The following HYDIN variants were observed in gnomAD, a reference collection of about 807,000 sequenced individuals.
HYDIN encodes HYDIN axonemal central pair apparatus protein.
In HYDIN, 132 loss-of-function variants were observed where a neutral mutation model predicts 403.9. That is an observed-to-expected ratio of 0.33 (90% CI 0.28 to 0.38). HYDIN has a LOEUF of 0.38. Among genes scored for constraint, HYDIN ranks in the 10% least tolerant of loss-of-function variants. The pLI is 1.00. For synonymous variants in HYDIN, 1,202 were observed against 1,891.7 expected (o/e 0.64, Z 9.46); for missense variants, 2,827 against 5,009.5 (o/e 0.56, Z 13.15).
At chr16:70,864,151 T>C (rs1429415816) in intron 67 of HYDIN, among the ~76,000 whole-genome samples, 32 of 151,494 alleles carry the variant, frequency 2.1e-4, no homozygotes, top group Non-Finnish European at 3.1e-4. Flanking sequence ...GCCAACATAG[T>C]GAAACCCTGT....
intron 23 of HYDIN, among the ~76,000 whole-genome samples, chr16:71,015,958 T>C (rs1451021023): frequency 2.0e-5 from 3 of 151,956 alleles, no homozygotes; most frequent in Non-Finnish European, 4.4e-5. Context: ...TGTATGTCTA[T>C]ACATATACAT....
chr16:71,010,467 G>A (rs1354598021), intron 23 of HYDIN, among the ~76,000 whole-genome samples: 1 of 151,928 alleles, frequency 6.6e-6, no homozygotes. Flanking sequence ...GCTGCCTCTG[G>A]AGTGCTCAAA....
In HYDIN at chr16:71,054,033, G is replaced by A. The variant is rs1322139879; in HGVS notation, c.2529+6471C>T. On this transcript the variant is annotated intron_variant, in intron 18 of 85. Coordinates refer to ENST00000393567, the MANE Select transcript of HYDIN (RefSeq NM_001270974.2). ...CAGTTCTCTTAACCAAGAGAATCTCGGTTATCTGATCTGCTGAATGAGGAC... is the reference window on the plus strand; with the variant it reads ...CAGTTCTCTTAACCAAGAGAATCTCAGTTATCTGATCTGCTGAATGAGGAC... Among the ~76,000 whole-genome samples, 6 of 152,336 alleles carry A rather than the reference G, an allele frequency of 3.9e-5. No homozygotes were observed. The South Asian group carries it at 8.3e-4, about 21-fold the overall frequency.
At chr16:71,208,496 C>T (rs2088413936) in intron 1 of HYDIN, among the ~76,000 whole-genome samples, 1 of 151,978 alleles carries the variant, frequency 6.6e-6, no homozygotes, top group Non-Finnish European at 1.5e-5. Context: ...ACAATTAGAA[C>T]TAAAGAAGCA....
intron 1 of HYDIN, among the ~76,000 whole-genome samples, chr16:71,195,374 G>C (rs556118093): frequency 1.9e-4 from 29 of 152,230 alleles, no homozygotes; most frequent in Non-Finnish European, 4.0e-4. Context: ...TTTGGCTTCT[G>C]CTACAGTGAG....
At chr16:70,811,807 A>G (rs1477102268) in intron 84 of HYDIN, among the ~76,000 whole-genome samples, 1 of 150,472 alleles carries the variant, frequency 6.6e-6, no homozygotes, top group Non-Finnish European at 1.5e-5. Context: ...TGGTGAGCCG[A>G]GATCACGCCA....
chr16:71,205,940 C>A (rs913647556), intron 1 of HYDIN, among the ~76,000 whole-genome samples: 11 of 152,204 alleles, frequency 7.2e-5, no homozygotes, highest in African/African-American at 1.9e-4. Flanking sequence ...CCCTACTGAC[C>A]TCAACCACTG....
intron 29 of HYDIN, among the ~76,000 whole-genome samples, chr16:70,980,534 T>TATAA (rs147605006): frequency 1.4e-5 from 2 of 147,088 alleles, no homozygotes; most frequent in Admixed American, 6.8e-5. Context: ...CCTATATATA[T>TATAA]ATATAAATAT....
chr16:71,168,441 C>G (rs62055862), intron 5 of HYDIN, among the ~76,000 whole-genome samples: 25,148 of 147,876 alleles, frequency 0.17, 2,685 homozygotes, highest in Middle Eastern at 0.37. Context: ...GCCTCTGCCC[C>G]CTGTATGCAT....
intron 59 of HYDIN, 116 bp downstream of exon 59, chr16:70,883,804 T>G: frequency 1.6e-6 from 2 of 1,277,234 alleles, no homozygotes; most frequent in African/African-American, 2.9e-5. Context: ...CTCCTGACCT[T>G]AGGTGATCTG....
chr16:70,809,943 T>C lies in HYDIN; in HGVS notation c.14723A>G (p.His4908Arg), dbSNP rs771526729. The change falls in exon 85 of 86, where the codon CAC becomes CGC. Residue 4908 changes from histidine to arginine, a missense_variant. Transcript: ENST00000393567. ...AGETFGRLTL[H>R]NTDLGYYQYE... The stretch of plus-strand genomic sequence containing the variant: ...TTGGTAGTAACCCAAGTCAGTGTTG[T>C]GCAAAGTTAGTCTTCCGAAGGTTTC... 3 of 1,614,102 alleles carry C rather than the reference T, an allele frequency of 1.9e-6. No individual in the cohort carries two copies. In the Admixed American group the frequency reaches 5.0e-5, roughly 27 times the overall value.
intron 36 of HYDIN, among the ~76,000 whole-genome samples, chr16:70,965,567 T>G (rs1385253011): frequency 1.3e-5 from 2 of 152,230 alleles, no homozygotes; most frequent in Non-Finnish European, 2.9e-5. Context: ...GCAATCCTAG[T>G]GTGTATGTGT....
intron 10 of HYDIN, among the ~76,000 whole-genome samples, chr16:71,108,491 C>G (rs1266824195): frequency 6.6e-6 from 1 of 151,978 alleles, no homozygotes; most frequent in East Asian, 1.9e-4. Flanking sequence ...GTGGCAATAA[C>G]ATAGTGCTTG....
In HYDIN at chr16:70,955,402, G is replaced by A. The variant is rs774501536; in HGVS notation, c.6289C>T (p.Gln2097Ter). The change falls in exon 40 of 86, where the codon CAG (glutamine) becomes TAG (stop). Residue 2097 changes from glutamine (Q) to a stop codon, truncating the protein, a stop_gained. Transcript: ENST00000393567. LOFTEE classifies it high-confidence loss of function. The part of the protein sequence containing the change: ...RELCIRAAIE[Q>*]SVKEGEEAAQ... ...GCCTCCTCTCCTTCCTTCACGGACTGCTCTATGGCAGCCCTGATGCAGAGC... is the reference window on the plus strand; with the variant it reads ...GCCTCCTCTCCTTCCTTCACGGACTACTCTATGGCAGCCCTGATGCAGAGC... 4 of 1,613,282 alleles carry A rather than the reference G, an allele frequency of 2.5e-6. No individual in the cohort carries two copies. The highest frequency in any genetic ancestry group is 3.4e-6 in the Non-Finnish European group (4 of 1,179,716).
intron 73 of HYDIN, among the ~76,000 whole-genome samples, chr16:70,853,544 C>T (rs1366452706): frequency 1.3e-5 from 2 of 148,718 alleles, no homozygotes; most frequent in Non-Finnish European, 2.9e-5. Flanking sequence ...GGAAGAAACT[C>T]TCAAAACTAC....
At chr16:71,154,361 C>G (rs1342207619) in intron 6 of HYDIN, among the ~76,000 whole-genome samples, 1 of 136,642 alleles carries the variant, frequency 7.3e-6, no homozygotes, top group Non-Finnish European at 1.6e-5. Context: ...GTAATCCCAT[C>G]ATGGAGAATG....
chr16:70,813,820 A>C (rs981300492), intron 84 of HYDIN, among the ~76,000 whole-genome samples: 2 of 150,588 alleles, frequency 1.3e-5, no homozygotes, highest in African/African-American at 4.9e-5. Flanking sequence ...AGAGGTTACT[A>C]AGTCTCAACA....
At chr16:70,927,514 A>T (rs112258350) in intron 45 of HYDIN, among the ~76,000 whole-genome samples, 1 of 150,516 alleles carries the variant, frequency 6.6e-6, no homozygotes, top group African/African-American at 2.4e-5. Flanking sequence ...TATAAATACT[A>T]CTGTAAACTG....
At chr16:70,881,156 G>A (rs2040771031) in intron 60 of HYDIN, among the ~76,000 whole-genome samples, 2 of 135,184 alleles carry the variant, frequency 1.5e-5, no homozygotes, top group South Asian at 4.3e-4. Context: ...AGCCCAGGAA[G>A]TCAAGGCTGC....
Sources: gnomAD v4.1 joint callset for allele counts (sites outside exome capture counted in the v4.1 genomes callset) on GRCh38, gnomAD v4.1.1 for gene constraint, MANE v1.5 for transcripts, NCBI Gene and HGNC (gene_info 2026-07-23, HGNC 2026-07-21) for gene names.